The following KIAA1328 variants were observed in gnomAD, a reference collection of about 807,000 sequenced individuals.
KIAA1328 encodes protein hinderin.
Under a neutral mutation model 68.1 loss-of-function variants are expected in KIAA1328, and 52 were observed. The ratio of observed to expected loss-of-function variants is 0.76; its 90% CI spans 0.61 to 0.96. The LOEUF (loss-of-function observed/expected upper bound fraction) is 0.96, where lower values mean the gene tolerates loss of function less well. KIAA1328 is among the 40% of genes least tolerant of loss of function. The pLI, the probability that KIAA1328 is intolerant of heterozygous loss-of-function variation, is 0.00. For synonymous variants in KIAA1328, 232 were observed against 239.4 expected (o/e 0.97, Z 0.28); for missense variants, 641 against 677.6 (o/e 0.95, Z 0.60).
intron 5 of KIAA1328, among the ~76,000 whole-genome samples, chr18:36,897,528 A>G (rs1413214591): frequency 2.0e-5 from 3 of 152,092 alleles, no homozygotes; most frequent in Admixed American, 2.0e-4. Context: ...ACAGAAATGG[A>G]GGTTGGATAT....
At chr18:36,983,042 AGGT>A (rs901679514) in intron 6 of KIAA1328, among the ~76,000 whole-genome samples, 1 of 151,986 alleles carries the variant, frequency 6.6e-6, no homozygotes, top group Non-Finnish European at 1.5e-5. Flanking sequence ...AATTAAGAAA[AGGT>A]GGAAAAGGAG....
intron 6 of KIAA1328, among the ~76,000 whole-genome samples, chr18:37,041,248 T>G (rs1403444811): frequency 6.6e-6 from 1 of 151,998 alleles, no homozygotes; most frequent in Non-Finnish European, 1.5e-5. Context: ...TTACATATAT[T>G]TATAATTATT....
At chr18:36,939,959 ATT>A (rs1041191719) in intron 5 of KIAA1328, among the ~76,000 whole-genome samples, 11 of 152,170 alleles carry the variant, frequency 7.2e-5, no homozygotes, top group African/African-American at 2.4e-4. Context: ...ATTTAGACAT[ATT>A]TAGTCAATTT....
chr18:37,202,952 A>G (rs1479443417), intron 9 of KIAA1328, among the ~76,000 whole-genome samples: 1 of 152,106 alleles, frequency 6.6e-6, no homozygotes, highest in Admixed American at 6.5e-5. Context: ...CAAAAAGCAA[A>G]AACCTTTACT....
At chr18:37,220,924 T>C (rs1257798336) in intron 9 of KIAA1328, among the ~76,000 whole-genome samples, 2 of 152,172 alleles carry the variant, frequency 1.3e-5, no homozygotes, top group East Asian at 1.9e-4. Flanking sequence ...CTTTCCAGGT[T>C]CAAGCGATTC....
intron 7 of KIAA1328, among the ~76,000 whole-genome samples, chr18:37,076,762 C>T (rs2151775777): frequency 6.6e-6 from 1 of 152,138 alleles, no homozygotes; most frequent in South Asian, 2.1e-4. Context: ...TCGACACATA[C>T]ACCCTCCCAA....
intron 6 of KIAA1328, among the ~76,000 whole-genome samples, chr18:37,011,340 T>C (rs557450497): frequency 2.4e-4 from 37 of 152,232 alleles, no homozygotes; most frequent in East Asian, 3.9e-4. Context: ...TCTTTTTATT[T>C]CTTAAGGAAA....
chr18:37,205,629 A>C (rs986040625), intron 9 of KIAA1328, among the ~76,000 whole-genome samples: 15 of 152,250 alleles, frequency 9.9e-5, no homozygotes, highest in African/African-American at 3.1e-4. Context: ...ATAATTTAAA[A>C]CAAATAATGC....
intron 4 of KIAA1328, among the ~76,000 whole-genome samples, chr18:36,846,442 A>C (rs1025779568): frequency 6.6e-6 from 1 of 151,574 alleles, no homozygotes; most frequent in Non-Finnish European, 1.5e-5. Context: ...TGGCTTGCTT[A>C]TCAATCTGTT....
intron 7 of KIAA1328, among the ~76,000 whole-genome samples, chr18:37,103,122 C>A (rs867162664): frequency 2.0e-5 from 3 of 152,104 alleles, no homozygotes; most frequent in African/African-American, 7.2e-5. Flanking sequence ...AATGCAATCC[C>A]TGTCAAAATA....
At chr18:36,963,982 A>G (rs114720777) in intron 6 of KIAA1328, among the ~76,000 whole-genome samples, 71 of 152,280 alleles carry the variant, frequency 4.7e-4, no homozygotes, top group African/African-American at 1.6e-3. Context: ...TCCTAACTCA[A>G]TGAAATAAGG....
chr18:37,112,600 C>T (rs1233035173), intron 7 of KIAA1328, among the ~76,000 whole-genome samples: 5 of 152,230 alleles, frequency 3.3e-5, no homozygotes, highest in African/African-American at 4.8e-5. Flanking sequence ...CGCCTCTTCT[C>T]CTCCAAAGGA....
intron 7 of KIAA1328, among the ~76,000 whole-genome samples, chr18:37,103,076 G>C (rs1421695936): frequency 6.6e-6 from 1 of 152,126 alleles, no homozygotes; most frequent in Non-Finnish European, 1.5e-5. Flanking sequence ...TCACGGATTG[G>C]AAGAATATTG....
chr18:36,943,893 T>G (rs1171011983), intron 5 of KIAA1328, among the ~76,000 whole-genome samples: 1 of 152,214 alleles, frequency 6.6e-6, no homozygotes, highest in Non-Finnish European at 1.5e-5. Flanking sequence ...TAAAGTAAAT[T>G]TCATGTTTCC....
chr18:37,063,622 G>A, intron 6 of KIAA1328: 1 of 985,186 alleles, frequency 1.0e-6, no homozygotes, highest in East Asian at 1.1e-4. Context: ...CACATGCACA[G>A]TAACCAAGCA....
chr18:36,918,899 TTA>T, intron 5 of KIAA1328, among the ~76,000 whole-genome samples: 1 of 152,212 alleles, frequency 6.6e-6, no homozygotes, highest in African/African-American at 2.4e-5. Flanking sequence ...TTTACTGTTA[TTA>T]ACATTTCTTT....
chr18:37,229,747 G>A (rs3747902), downstream of KIAA1328: 43,347 of 284,694 alleles, frequency 0.15, 3,766 homozygotes, highest in African/African-American at 0.27. Flanking sequence ...TTACCTGAGC[G>A]TGGTGGCACG....
At chr18:37,174,996 G>A (rs1303680747) in intron 9 of KIAA1328, among the ~76,000 whole-genome samples, 1 of 152,086 alleles carries the variant, frequency 6.6e-6, no homozygotes, top group African/African-American at 2.4e-5. Context: ...TAATGCTACT[G>A]TTGTTGGCAT....
rs954001937 is a variant in KIAA1328 at position 37,224,933 on chromosome 18, A to C, written c.*2706A>C. On this transcript the variant is annotated 3_prime_UTR_variant, in exon 10 of 10. Coordinates refer to ENST00000280020, the MANE Select transcript of KIAA1328 (RefSeq NM_020776.3). Reference sequence around the variant, plus strand: ...GTAAGGCCCACAGTTCTTGATGCAGAGAACCAAAGTGAATCATAGAAAAGC... The same window carrying C: ...GTAAGGCCCACAGTTCTTGATGCAGCGAACCAAAGTGAATCATAGAAAAGC... 4.1e-6 allele frequency: 4 copies of C among 985,380 alleles called. No homozygotes were observed. Among genetic ancestry groups the C allele is most frequent in the Non-Finnish European group, 3.6e-6 (3 of 829,956 alleles). 61.0% of individuals were successfully genotyped at this position (985,380 alleles called of 1,614,324 possible). A position where few individuals can be genotyped will look rare whatever the true frequency, so the allele number is the denominator to read the frequency against.
Sources: gnomAD v4.1 joint callset for allele counts (sites outside exome capture counted in the v4.1 genomes callset) on GRCh38, gnomAD v4.1.1 for gene constraint, MANE v1.5 for transcripts, NCBI Gene and HGNC (gene_info 2026-07-23, HGNC 2026-07-21) for gene names.